Variants in PLCB1 observed in about 807,000 individuals in gnomAD.
The protein encoded by PLCB1 is 1-phosphatidylinositol 4,5-bisphosphate phosphodiesterase beta-1.
A neutral mutation model predicts 161.8 loss-of-function variants in PLCB1; 46 were observed. The ratio of observed to expected loss-of-function variants is 0.28; its 90% confidence interval spans 0.22 to 0.36. PLCB1 has a LOEUF of 0.36. Among genes scored for constraint, PLCB1 ranks in the 10% least tolerant of loss-of-function variants. The pLI, the probability that PLCB1 is intolerant of heterozygous loss-of-function variation, is 1.00. For synonymous variants in PLCB1, 517 were observed against 503.7 expected (o/e 1.03, Z -0.35); for missense variants, 1,016 against 1,472.5 (o/e 0.69, Z 5.07).
chr20:8,662,417 T>C (rs1343849534), intron 9 of PLCB1, among the ~76,000 whole-genome samples: 2 of 127,654 alleles, frequency 1.6e-5, no homozygotes, highest in South Asian at 2.3e-4. Context: ...ATGTATAATA[T>C]ATAATTATTT....
chr20:8,777,280 G>C (rs907818828), intron 27 of PLCB1, among the ~76,000 whole-genome samples: 1 of 152,134 alleles, frequency 6.6e-6, no homozygotes, highest in Non-Finnish European at 1.5e-5. Flanking sequence ...CTCCGGGGCT[G>C]TGCTTCCCAG....
chr20:8,352,658 C>G (rs1384784286), intron 2 of PLCB1, among the ~76,000 whole-genome samples: 1 of 151,942 alleles, frequency 6.6e-6, no homozygotes. Context: ...AAGTTGCTAA[C>G]TGAAGTAACT....
chr20:8,685,225 T>TCC (rs1990331200), intron 10 of PLCB1, 147 bp downstream of exon 10: 6 of 701,618 alleles, frequency 8.6e-6, no homozygotes, highest in Non-Finnish European at 1.2e-5. Context: ...CACTAAAGCC[T>TCC]CCCGCCTCCC....
At position 8,574,918 on chromosome 20, in the gene PLCB1, G is replaced by A. The variant is rs563425756; in HGVS notation, c.247-53376G>A. 1.7e-3 allele frequency among the ~76,000 whole-genome samples: 256 copies of A among 152,014 alleles called. 1 individual carries two copies. The highest frequency in any genetic ancestry group is 6.1e-3 in the African/African-American group (250 of 41,270). ...TAGAAGTCGAGTCCAAATTCAATAAGATGGTAAAGAGAGACACAGCTGGGG... is the reference window on the plus strand; with the variant it reads ...TAGAAGTCGAGTCCAAATTCAATAAAATGGTAAAGAGAGACACAGCTGGGG... On this transcript the variant is annotated intron_variant, in intron 3 of 31. Transcript: ENST00000338037.
chr20:8,562,717 C>T (rs1237854240), intron 3 of PLCB1, among the ~76,000 whole-genome samples: 1 of 152,026 alleles, frequency 6.6e-6, no homozygotes, highest in African/African-American at 2.4e-5. Context: ...ATATAACCAA[C>T]TGAAATTATA....
chr20:8,147,112 C>A (rs905739704), intron 1 of PLCB1, among the ~76,000 whole-genome samples: 1 of 152,102 alleles, frequency 6.6e-6, no homozygotes, highest in Non-Finnish European at 1.5e-5. Flanking sequence ...GGCCTACATC[C>A]GTGGTTTTGT....
intron 3 of PLCB1, among the ~76,000 whole-genome samples, chr20:8,479,004 G>A (rs550498322): frequency 2.0e-5 from 3 of 151,966 alleles, no homozygotes; most frequent in African/African-American, 4.8e-5. Flanking sequence ...TGAAATTTTC[G>A]TTGTCATTAA....
chr20:8,730,938 G>A (rs1980207725), intron 18 of PLCB1, among the ~76,000 whole-genome samples: 1 of 151,380 alleles, frequency 6.6e-6, no homozygotes, highest in African/African-American at 2.4e-5. Flanking sequence ...TCTTATAATA[G>A]CCTATTTTTT....
chr20:8,171,281 TAC>T (rs1270303839), intron 2 of PLCB1, among the ~76,000 whole-genome samples: 3 of 152,190 alleles, frequency 2.0e-5, no homozygotes, highest in African/African-American at 7.2e-5. Flanking sequence ...ATACATTATA[TAC>T]ATTTAACTAA....
intron 10 of PLCB1, among the ~76,000 whole-genome samples, chr20:8,694,370 C>T (rs1234910563): frequency 6.6e-6 from 1 of 152,098 alleles, no homozygotes; most frequent in African/African-American, 2.4e-5. Flanking sequence ...ATGAGTTTAC[C>T]TTGGAGGGAT....
intron 3 of PLCB1, among the ~76,000 whole-genome samples, chr20:8,542,816 T>A (rs1985386291): frequency 6.6e-6 from 1 of 152,212 alleles, no homozygotes; most frequent in Admixed American, 6.5e-5. Context: ...GGACGTTAAT[T>A]GAATTGCCTC....
At chr20:8,203,095 G>A (rs992918766) in intron 2 of PLCB1, among the ~76,000 whole-genome samples, 9 of 133,764 alleles carry the variant, frequency 6.7e-5, no homozygotes, top group East Asian at 2.0e-4. Flanking sequence ...GCACACACAC[G>A]CGCACACACA....
At chr20:8,320,919 AGAAGAG>A (rs1376836951) in intron 2 of PLCB1, among the ~76,000 whole-genome samples, 7 of 151,436 alleles carry the variant, frequency 4.6e-5, no homozygotes, top group African/African-American at 1.7e-4. Context: ...AAGAAGAGGA[AGAAGAG>A]GAAGAAGAAG....
intron 26 of PLCB1, among the ~76,000 whole-genome samples, chr20:8,772,068 T>A (rs1426394329): frequency 6.9e-6 from 1 of 145,838 alleles, no homozygotes; most frequent in Non-Finnish European, 1.5e-5. Context: ...TTTTTTTTTT[T>A]AGAGGTGGGG....
intron 3 of PLCB1, among the ~76,000 whole-genome samples, chr20:8,569,270 A>G (rs1986432083): frequency 6.6e-6 from 1 of 152,224 alleles, no homozygotes; most frequent in Non-Finnish European, 1.5e-5. Flanking sequence ...AGCTGTCTCT[A>G]AAATCCAACT....
intron 27 of PLCB1, among the ~76,000 whole-genome samples, chr20:8,785,553 C>T (rs934305845): frequency 6.6e-6 from 1 of 152,078 alleles, no homozygotes; most frequent in South Asian, 2.1e-4. Flanking sequence ...GAAACTTGTT[C>T]TGCAAGGGGT....
chr20:8,260,741 G>T (rs1245811962), intron 2 of PLCB1, among the ~76,000 whole-genome samples: 1 of 152,138 alleles, frequency 6.6e-6, no homozygotes, highest in Non-Finnish European at 1.5e-5. Flanking sequence ...AAGAGCTCTT[G>T]TGGGAGCGTG....
chr20:8,736,302 T>C (rs1407303842), intron 19 of PLCB1, among the ~76,000 whole-genome samples: 1 of 152,188 alleles, frequency 6.6e-6, no homozygotes, highest in Admixed American at 6.5e-5. Context: ...TATAAATACG[T>C]AATATTAAAA....
Position 8,881,973 on chromosome 20 carries a change from C to G in PLCB1, c.*124C>G. 1 of 664,784 alleles carries G rather than the reference C, an allele frequency of 1.5e-6. No individual in the cohort carries two copies. The highest frequency in any genetic ancestry group is 2.6e-6 in the Non-Finnish European group (1 of 385,374). 41.2% of individuals were successfully genotyped at this position (664,784 alleles called of 1,614,324 possible). A position where few individuals can be genotyped will look rare whatever the true frequency, so the allele number is the denominator to read the frequency against. On this transcript the variant is annotated 3_prime_UTR_variant, in exon 32 of 32. Coordinates refer to ENST00000338037, the MANE Select transcript of PLCB1 (RefSeq NM_015192.4). ...GCATCCCTTAGCCTAAAATCCACAC[C>G]AAAGGGAGAGTTCCAGAGGAATCCA...
Sources: gnomAD v4.1 joint callset for allele counts (sites outside exome capture counted in the v4.1 genomes callset) on GRCh38, gnomAD v4.1.1 for gene constraint, MANE v1.5 for transcripts, NCBI Gene and HGNC (gene_info 2026-07-23, HGNC 2026-07-21) for gene names.